Variants in SPTBN5 observed in about 807,000 individuals in gnomAD.
SPTBN5 encodes spectrin beta, non-erythrocytic 5.
In SPTBN5, 513 loss-of-function variants were observed where a neutral mutation model predicts 477.6. The ratio of observed to expected loss-of-function variants is 1.07; its 90% CI spans 1.00 to 1.16. The LOEUF is 1.16. Among genes scored for constraint, SPTBN5 ranks in the 50% most tolerant of loss-of-function variants. The pLI, the probability that SPTBN5 is intolerant of heterozygous loss-of-function variation, is 0.00. For synonymous variants in SPTBN5, 2,169 were observed against 2,011.7 expected (o/e 1.08, Z -2.09); for missense variants, 5,062 against 4,731.8 (o/e 1.07, Z -2.05).
At chr15:41,882,843 C>T (rs2067018974) in intron 9 of SPTBN5, 105 bp from the exon 10 acceptor site, 1 of 1,434,586 alleles carries the variant, frequency 7.0e-7, no homozygotes, top group Non-Finnish European at 9.3e-7. Context: ...TTTTTCTTTT[C>T]CCTGGATGAC....
chr15:41,873,941 C>T lies in SPTBN5; in HGVS notation c.4794G>A (p.Val1598=). The T allele has an allele frequency of 1.9e-6, 3 of 1,610,224 alleles. No individual in the cohort carries two copies. The highest frequency in any genetic ancestry group is 1.1e-5 in the South Asian group (1 of 91,088). Reference sequence around the variant, plus strand: ...GGCCTTCCAGCTCCTGGCACTGCTCCACGATGTGTTGGGCTTGGGGGTGCC... The same window carrying T: ...GGCCTTCCAGCTCCTGGCACTGCTCTACGATGTGTTGGGCTTGGGGGTGCC... ...ASGHPQAQHI[V]EQCQELEGHW... is the part of the protein sequence containing the mutation. The change falls in exon 25 of 68, where the codon GTG becomes GTA. Residue 1598 remains valine (V), a synonymous_variant. Transcript: ENST00000320955.
rs1333693060 is a variant in SPTBN5 at position 41,873,962 on chromosome 15, G to A, written c.4773C>T (p.His1591=). The change falls in exon 25 of 68, where the codon CAC becomes CAT. Residue 1591 remains histidine, a synonymous_variant. Transcript: ENST00000320955. ...SSGRSLAASG[H]PQAQHIVEQC... is the part of the protein sequence containing the mutation. ...GCTCCACGATGTGTTGGGCTTGGGGGTGCCCTGAGGCTGCCAGGCTCCGCC... is the reference window on the plus strand; with the variant it reads ...GCTCCACGATGTGTTGGGCTTGGGGATGCCCTGAGGCTGCCAGGCTCCGCC... The A allele has an allele frequency of 8.1e-6, 13 of 1,608,228 alleles. No homozygotes were observed. Among genetic ancestry groups the A allele is most frequent in the African/African-American group, 1.3e-5 (1 of 74,922 alleles).
intron 63 of SPTBN5, 82 bp downstream of exon 63, chr15:41,851,697 C>G: frequency 2.8e-6 from 3 of 1,069,600 alleles, no homozygotes; most frequent in South Asian, 1.3e-5. Context: ...TGCAAGGGTG[C>G]CAGGCCCAGA....
intron 36 of SPTBN5, 39 bp from the exon 37 acceptor site, chr15:41,866,532 G>A (rs781345762): frequency 1.3e-5 from 19 of 1,490,302 alleles, no homozygotes; most frequent in Non-Finnish European, 1.6e-5. Context: ...ATGTTCTGCA[G>A]CCTCAGGCCC....
In SPTBN5 at chr15:41,854,106, C is replaced by G; in HGVS notation, c.9718G>C (p.Gly3240Arg). 1 of 1,585,194 alleles carries G rather than the reference C, an allele frequency of 6.3e-7. No homozygotes were observed. Among genetic ancestry groups the G allele is most frequent in the Non-Finnish European group, 8.6e-7 (1 of 1,166,834 alleles). Residue 3240 changes from glycine (G) to arginine (R), a missense_variant, in exon 57 of 68, where the codon GGA becomes CGA. Transcript: ENST00000320955. Reference protein sequence around the residue: ...EKTALMKGEDGGHSLSSVRTL... With the variant: ...EKTALMKGEDRGHSLSSVRTL... ...CGCACAGATGACAGGCTGTGGCCTC[C>G]GTCCTCCCCCTTCATCAGGGCCGTC...
chr15:41,879,364 C>T lies in SPTBN5; in HGVS notation c.3078G>A (p.Leu1026=). ...AGGTGTCCTCTGAGCTCCCTGGCTG[C>T]AGGGCCTCCAGCTGGAGGAGCACGT... The part of the protein sequence containing the change: ...LRDVLLQLEA[L]QPGSSEDTCH... Residue 1026 remains leucine, a synonymous_variant, in exon 16 of 68, where the codon CTG becomes CTA. Transcript: ENST00000320955. The T allele has an allele frequency of 6.2e-7, 1 of 1,610,192 alleles. No individual in the cohort carries two copies. Among genetic ancestry groups the T allele is most frequent in the South Asian group, 1.1e-5 (1 of 91,062 alleles).
At chr15:41,863,050 C>G in intron 41 of SPTBN5, 147 bp from the exon 42 acceptor site, 1 of 720,922 alleles carries the variant, frequency 1.4e-6, no homozygotes, top group Non-Finnish European at 2.3e-6. Flanking sequence ...AGATCTCTTC[C>G]TTATGTGAGG....
chr15:41,889,613 G>A (rs753401974), intron 4 of SPTBN5, among the ~76,000 whole-genome samples: 55 of 152,230 alleles, frequency 3.6e-4, no homozygotes, highest in Non-Finnish European at 6.0e-4. Flanking sequence ...GGGGAAAGAG[G>A]TGGAATGAAG....
Position 41,872,460 on chromosome 15 carries a change from C to T in SPTBN5, c.5008-1G>A, listed in dbSNP as rs973513934. ...AAATGGCTAGTTCCTCCTGTAGAGCCTATGATGCATGAGGACCCATGCCAG... is the reference window on the plus strand; with the variant it reads ...AAATGGCTAGTTCCTCCTGTAGAGCTTATGATGCATGAGGACCCATGCCAG... On this transcript the variant is annotated splice_acceptor_variant, in intron 26 of 67. Transcript: ENST00000320955. LOFTEE classifies it high-confidence loss of function. The T allele has an allele frequency of 1.3e-6, 2 of 1,553,940 alleles. No homozygotes were observed. The highest frequency in any genetic ancestry group is 8.7e-7 in the Non-Finnish European group (1 of 1,149,124).
chr15:41,871,965 T>G, intron 27 of SPTBN5, 48 bp from the exon 28 acceptor site: 1 of 1,477,478 alleles, frequency 6.8e-7, no homozygotes, highest in Non-Finnish European at 9.0e-7. Flanking sequence ...CCCACCCCCC[T>G]GGGGGCCAGT....
Position 41,888,065 on chromosome 15 carries a change from T to G in SPTBN5, c.522A>C (p.Ala174=). The change falls in exon 5 of 68, where the codon GCA becomes GCC. Residue 174 remains alanine (A), a synonymous_variant. Coordinates refer to ENST00000320955, the MANE Select transcript of SPTBN5 (RefSeq NM_016642.4). ...GGGCTTCCTTGGTGGACAGCAGGGC[T>G]GCGCTGGCCCCAAACTCCTCCTGGC... ...SLDKEEFGAS[A]ALLSTKEALL... 6.4e-7 allele frequency: 1 copy of G among 1,574,564 alleles called. No individual in the cohort carries two copies. Among genetic ancestry groups the G allele is most frequent in the South Asian group, 1.2e-5 (1 of 85,668 alleles).
intron 36 of SPTBN5, 71 bp downstream of exon 36, chr15:41,866,888 G>T: frequency 6.8e-7 from 1 of 1,470,780 alleles, no homozygotes. Context: ...ACAGTGTTGC[G>T]GTGTGAAGGC....
In SPTBN5 at chr15:41,878,324, C is replaced by G. The variant is rs1329586543; in HGVS notation, c.3470+18G>C. ...GGTCCCAGCCCAAAGTGCACCCCTT[C>G]TGCCCTCCTGTCCTGACCTCTCCTG... On this transcript the variant is annotated intron_variant, in intron 17 of 67. Transcript: ENST00000320955. 6.2e-7 allele frequency: 1 copy of G among 1,609,800 alleles called. No homozygotes were observed. The highest frequency in any genetic ancestry group is 8.5e-7 in the Non-Finnish European group (1 of 1,177,420).
Position 41,856,384 on chromosome 15 carries a change from AC to A in SPTBN5, c.9021+1del, listed in dbSNP as rs775819973. The A allele has an allele frequency of 6.4e-7, 1 of 1,567,934 alleles. No individual in the cohort carries two copies. Among genetic ancestry groups the A allele is most frequent in the South Asian group, 1.2e-5 (1 of 85,352 alleles). ...CTGTGCCCTGCCCATCACTCCCCTC[AC>A]CTCAGTCAGAAACTGCTGGGCCTCC... On this transcript the variant is annotated splice_donor_variant, in intron 53 of 67. Transcript: ENST00000320955. LOFTEE classifies it high-confidence loss of function.
At position 41,890,116 on chromosome 15, in the gene SPTBN5, G is replaced by C; in HGVS notation, c.474C>G (p.Phe158Leu). 6.2e-7 allele frequency: 1 copy of C among 1,612,648 alleles called. No homozygotes were observed. Among genetic ancestry groups the C allele is most frequent in the Non-Finnish European group, 8.5e-7 (1 of 1,179,334 alleles). The change falls in exon 4 of 68, where the codon TTC becomes TTG. Residue 158 changes from phenylalanine to leucine, a missense_variant. Phe to Leu is a conservative substitution (Grantham distance 22). Coordinates refer to ENST00000320955, the MANE Select transcript of SPTBN5 (RefSeq NM_016642.4). ...LGLIWVIILR[F>L]QISHISLDKE... ...TGTCCAAGGAGATGTGGGAGATCTG[G>C]AAACGCAGAATGATGACCCAGATGA...
At position 41,857,106 on chromosome 15, in the gene SPTBN5, G is replaced by A. The variant is rs180837094; in HGVS notation, c.8622-67C>T. On this transcript the variant is annotated intron_variant, in intron 51 of 67. Coordinates refer to ENST00000320955, the MANE Select transcript of SPTBN5 (RefSeq NM_016642.4). ...GGTGTCAGTATTAGGGATACCTGGT[G>A]ACACAGATCACCCAGCTGTGGCCCT... 182 of 1,530,838 alleles carry A rather than the reference G, an allele frequency of 1.2e-4. No homozygotes were observed. In the East Asian group the frequency reaches 4.0e-3, roughly 34 times the overall value. 94.8% of individuals were successfully genotyped at this position (1,530,838 alleles called of 1,614,324 possible).
At chr15:41,853,824 C>A (rs1027465766) in intron 57 of SPTBN5, 37 bp from the exon 58 acceptor site, 9 of 1,514,674 alleles carry the variant, frequency 5.9e-6, no homozygotes, top group South Asian at 2.5e-5. Context: ...TCAGTCCCCC[C>A]ACTGAGCCGA....
At position 41,852,615 on chromosome 15, in the gene SPTBN5, T is replaced by C; in HGVS notation, c.10449+19A>G. The stretch of plus-strand genomic sequence containing the variant: ...TGTTCCCCCACCAGCCCTCAGCCCC[T>C]AGCCGAGGCAGTCGTCACCTCTGTC... On this transcript the variant is annotated intron_variant, in intron 61 of 67. Coordinates refer to ENST00000320955, the MANE Select transcript of SPTBN5 (RefSeq NM_016642.4). 1.2e-6 allele frequency: 2 copies of C among 1,611,130 alleles called. No homozygotes were observed. The highest frequency in any genetic ancestry group is 1.7e-6 in the Non-Finnish European group (2 of 1,177,840).
At position 41,853,718 on chromosome 15, in the gene SPTBN5, G is replaced by T; in HGVS notation, c.9844C>A (p.His3282Asn). 6.3e-7 allele frequency: 1 copy of T among 1,594,466 alleles called. No individual in the cohort carries two copies. The highest frequency in any genetic ancestry group is 8.5e-7 in the Non-Finnish European group (1 of 1,171,248). The change falls in exon 58 of 68, where the codon CAT (histidine) becomes AAT (asparagine). Residue 3282 changes from histidine to asparagine, a missense_variant. Physicochemically the swap from His to Asn is moderately conservative, Grantham distance 68. Coordinates refer to ENST00000320955, the MANE Select transcript of SPTBN5 (RefSeq NM_016642.4). ...QTEACRLGQL[H>N]PAAPGGLAKV... ...GCCAGGCCCCCCGGAGCTGCAGGAT[G>T]TAGCTGGCCCAGTCGGCAGGCCTCC...
Sources: allele counts gnomAD v4.1 joint callset (sites outside exome capture counted in the v4.1 genomes callset), GRCh38; gene constraint gnomAD v4.1.1; transcripts MANE v1.5; gene names NCBI Gene and HGNC (gene_info 2026-07-23, HGNC 2026-07-21).